The following CAMK4 variants were observed in gnomAD, a reference collection of about 807,000 sequenced individuals.
The protein encoded by CAMK4 is calcium/calmodulin-dependent protein kinase type IV.
A neutral mutation model predicts 44.9 loss-of-function variants in CAMK4; 22 were observed. That is an observed-to-expected ratio of 0.49 (90% CI 0.35 to 0.70). The LOEUF is 0.70. Ranked by LOEUF, CAMK4 falls within the 30% of genes least tolerant of loss-of-function variation. CAMK4 has a pLI of 0.01. For missense variants in CAMK4, 498 were observed against 586.8 expected (o/e 0.85, Z 1.56); for synonymous variants, 218 against 215.4 (o/e 1.01, Z -0.11).
intron 5 of CAMK4, among the ~76,000 whole-genome samples, chr5:111,409,644 A>G (rs1479828802): frequency 1.3e-5 from 2 of 152,180 alleles, no homozygotes; most frequent in African/African-American, 4.8e-5. Context: ...TTTCTTTTCT[A>G]TCATGTCAGC....
intron 1 of CAMK4, 65 bp from the exon 2 acceptor site, chr5:111,343,959 C>G (rs446176): frequency 0.9 from 836,397 of 930,104 alleles, 376,987 homozygotes; most frequent in East Asian, 1. Flanking sequence ...CACTTATTTT[C>G]AAGCTTTCCC....
At chr5:111,303,544 AAAAAAGAAT>A (rs1747823388) in intron 1 of CAMK4, among the ~76,000 whole-genome samples, 1 of 101,404 alleles carries the variant, frequency 9.9e-6, no homozygotes, top group African/African-American at 4.9e-5. Flanking sequence ...AAGTTTAGAG[AAAAAAGAAT>A]AAAAAGAAAT....
chr5:111,343,602 A>G (rs924034770), intron 1 of CAMK4, among the ~76,000 whole-genome samples: 2 of 151,774 alleles, frequency 1.3e-5, no homozygotes, highest in East Asian at 1.9e-4. Flanking sequence ...TACAGACTAT[A>G]TAGAGTGCTT....
intron 1 of CAMK4, among the ~76,000 whole-genome samples, chr5:111,325,154 C>T (rs1219061277): frequency 6.6e-6 from 1 of 151,896 alleles, no homozygotes; most frequent in East Asian, 1.9e-4. Context: ...CCAGCTTCAT[C>T]CATGTCCCTG....
At chr5:111,372,183 A>G (rs991465125) in intron 2 of CAMK4, among the ~76,000 whole-genome samples, 1 of 152,168 alleles carries the variant, frequency 6.6e-6, no homozygotes, top group African/African-American at 2.4e-5. Flanking sequence ...TGAGAGAGTA[A>G]TACTTCAGGA....
At chr5:111,415,109 T>C (rs1752770613) in intron 5 of CAMK4, among the ~76,000 whole-genome samples, 1 of 152,214 alleles carries the variant, frequency 6.6e-6, no homozygotes, top group African/African-American at 2.4e-5. Context: ...ACTATTTCAT[T>C]TATCTGTGGT....
intron 1 of CAMK4, among the ~76,000 whole-genome samples, chr5:111,259,046 A>G (rs1424467990): frequency 2.0e-5 from 3 of 152,138 alleles, no homozygotes. Flanking sequence ...TCATTTTGGG[A>G]TTATGCTATT....
At chr5:111,257,310 A>AAAC (rs1234571925) in intron 1 of CAMK4, among the ~76,000 whole-genome samples, 1 of 152,160 alleles carries the variant, frequency 6.6e-6, no homozygotes, top group Non-Finnish European at 1.5e-5. Flanking sequence ...TACAAGAAAA[A>AAAC]AACAACCCCA....
intron 2 of CAMK4, among the ~76,000 whole-genome samples, chr5:111,349,840 A>G (rs919012653): frequency 2.6e-5 from 4 of 152,018 alleles, no homozygotes; most frequent in Non-Finnish European, 5.9e-5. Flanking sequence ...TTTTGGAAAC[A>G]GATATTTGAA....
At chr5:111,303,827 G>T (rs1211646371) in intron 1 of CAMK4, among the ~76,000 whole-genome samples, 1 of 141,966 alleles carries the variant, frequency 7.0e-6, no homozygotes, top group African/African-American at 2.9e-5. Flanking sequence ...AGGAAAAAAT[G>T]TTAAGGGCAG....
intron 1 of CAMK4, among the ~76,000 whole-genome samples, chr5:111,337,710 T>A (rs543668210): frequency 6.6e-6 from 1 of 151,138 alleles, no homozygotes; most frequent in Non-Finnish European, 1.5e-5. Context: ...TATTGCTTTT[T>A]GAGAAAGGTC....
intron 7 of CAMK4, among the ~76,000 whole-genome samples, chr5:111,460,889 A>G (rs1174601585): frequency 6.6e-6 from 1 of 152,242 alleles, no homozygotes; most frequent in African/African-American, 2.4e-5. Flanking sequence ...GGTATTCTCA[A>G]ATATTTGATT....
At chr5:111,299,380 ACT>A (rs147858142) in intron 1 of CAMK4, among the ~76,000 whole-genome samples, 1,879 of 152,076 alleles carry the variant, frequency 0.012, 22 homozygotes, top group East Asian at 0.054. Flanking sequence ...GCATGTCGAA[ACT>A]CTCTGTGATT....
chr5:111,342,147 G>T lies in CAMK4; in HGVS notation c.162-1877G>T, dbSNP rs543375120. 4.0e-5 allele frequency among the ~76,000 whole-genome samples: 6 copies of T among 151,168 alleles called. No individual in the cohort carries two copies. In the East Asian group the frequency reaches 1.2e-3, roughly 30 times the overall value. On this transcript the variant is annotated intron_variant, in intron 1 of 10. Transcript: ENST00000282356. The stretch of plus-strand genomic sequence containing the variant: ...TCACTTAGTATAATTTAGTTGGTAG[G>T]GCTGTTCTGTTGTTCTGTAATCCTT...
intron 2 of CAMK4, among the ~76,000 whole-genome samples, chr5:111,370,517 T>C (rs902733137): frequency 3.9e-5 from 6 of 152,064 alleles, no homozygotes; most frequent in African/African-American, 1.4e-4. Flanking sequence ...AAATATATAG[T>C]GAGAAAAATA....
At chr5:111,440,131 A>G (rs1264030019) in intron 5 of CAMK4, among the ~76,000 whole-genome samples, 1 of 152,174 alleles carries the variant, frequency 6.6e-6, no homozygotes, top group Non-Finnish European at 1.5e-5. Context: ...TTTGAGGACC[A>G]TAGCTCCTAG....
At position 111,420,730 on chromosome 5, in the gene CAMK4, C is replaced by T. The variant is rs307531; in HGVS notation, c.459+25948C>T. Among the ~76,000 whole-genome samples, 1,434 of 152,270 alleles carry T rather than the reference C, an allele frequency of 9.4e-3. 22 individuals are homozygous for T. The highest frequency in any genetic ancestry group is 0.033 in the African/African-American group (1,364 of 41,540). Reference sequence around the variant, plus strand: ...TTCCTTGCTGAGAAAAAGAATTCAGCGATATTTCTCCCATTTGCTTTTGAA... The same window carrying T: ...TTCCTTGCTGAGAAAAAGAATTCAGTGATATTTCTCCCATTTGCTTTTGAA... On this transcript the variant is annotated intron_variant, in intron 5 of 10. Transcript: ENST00000282356.
rs1755655458 is a variant in CAMK4 at position 111,486,991 on chromosome 5, C to G, written c.*2525C>G. The stretch of plus-strand genomic sequence containing the variant: ...TTTCAAAAATGTTGGTCATTTCAGT[C>G]AAATTATTCAAAGATTTCATATACA... On this transcript the variant is annotated 3_prime_UTR_variant, in exon 11 of 11. Transcript: ENST00000282356. 2.0e-5 allele frequency: 3 copies of G among 152,116 alleles called. No individual in the cohort carries two copies. Among genetic ancestry groups the G allele is most frequent in the Admixed American group, 2.0e-4 (3 of 15,270 alleles). The allele number at this position is 152,116 out of a possible 1,614,324, so 9.4% of individuals were successfully genotyped here.
chr5:111,339,318 G>A (rs1356882580), intron 1 of CAMK4, among the ~76,000 whole-genome samples: 5 of 151,062 alleles, frequency 3.3e-5, no homozygotes, highest in Non-Finnish European at 5.9e-5. Context: ...CGGTGTTATA[G>A]AGCTTTCTTC....
Sources: allele counts gnomAD v4.1 joint callset (sites outside exome capture counted in the v4.1 genomes callset), GRCh38; gene constraint gnomAD v4.1.1; transcripts MANE v1.5; gene names NCBI Gene and HGNC (gene_info 2026-07-23, HGNC 2026-07-21).